Variants in EFHC2 observed in about 807,000 individuals in gnomAD.
EFHC2 encodes EF-hand domain-containing family member C2.
A neutral mutation model predicts 52.7 loss-of-function variants in EFHC2; 18 were observed. The ratio of observed to expected loss-of-function variants is 0.34; its 90% CI spans 0.24 to 0.51. EFHC2 has a LOEUF of 0.51. Among genes scored for constraint, EFHC2 ranks in the 20% least tolerant of loss-of-function variants. The pLI is 0.97. For missense variants in EFHC2, 513 were observed against 562.5 expected (o/e 0.91, Z 0.89); for synonymous variants, 203 against 204.1 (o/e 0.99, Z 0.04).
At chrX:44,276,809 G>T (rs1282652987) in intron 2 of EFHC2, among the ~76,000 whole-genome samples, 1 of 112,294 alleles carries the variant, frequency 8.9e-6, no homozygotes, top group Non-Finnish European at 1.9e-5. Context: ...CGTGGAGAAG[G>T]TTGTCCATTG....
chrX:44,262,512 CA>C (rs749239313), intron 3 of EFHC2, among the ~76,000 whole-genome samples: 130 of 29,198 alleles, frequency 4.5e-3, no homozygotes, highest in African/African-American at 0.012. Flanking sequence ...AGCCCTGTCT[CA>C]AAAAAAAAAA....
Position 44,260,630 on chromosome X carries a change from T to G in EFHC2, c.606+445A>C, listed in dbSNP as rs148569556. On this transcript the variant is annotated intron_variant, in intron 4 of 14. Transcript: ENST00000420999. ...TGCCATCCTAAGAGGACCTGGAATT[T>G]CCTAGGAGGAAGAAAAAATGTGTAC... 9.6e-3 allele frequency among the ~76,000 whole-genome samples: 1,070 copies of G among 111,949 alleles called. 3 individuals carry two copies. Among genetic ancestry groups the G allele is most frequent in the Non-Finnish European group, 0.015 (809 of 53,129 alleles).
chrX:44,177,561 C>T (rs776278788), intron 12 of EFHC2, among the ~76,000 whole-genome samples: 7 of 110,765 alleles, frequency 6.3e-5, no homozygotes, highest in Admixed American at 2.9e-4. Flanking sequence ...GCAAAAAAAA[C>T]ACATTAAGTT....
intron 8 of EFHC2, among the ~76,000 whole-genome samples, chrX:44,235,947 AC>A (rs2037316821): frequency 9.1e-6 from 1 of 109,596 alleles, no homozygotes; most frequent in Non-Finnish European, 1.9e-5. Flanking sequence ...CTCCCCAGCA[AC>A]CCCCCAACTT....
At chrX:44,331,775 T>C (rs998495191) in intron 1 of EFHC2, among the ~76,000 whole-genome samples, 1 of 110,515 alleles carries the variant, frequency 9.0e-6, no homozygotes, top group Non-Finnish European at 1.9e-5. Context: ...TTTTTAAAAA[T>C]TAGCCAGGTG....
In EFHC2 at chrX:44,208,478, G is replaced by A. The variant is rs149744245; in HGVS notation, c.1751+21171C>T. On this transcript the variant is annotated intron_variant, in intron 11 of 14. Coordinates refer to ENST00000420999, the MANE Select transcript of EFHC2 (RefSeq NM_025184.4). Reference sequence around the variant, plus strand: ...TAAAGATGGAAATTATAGACACTGAGGACTCCAAAAAGGGGGAGAAAGGGA... The same window carrying A: ...TAAAGATGGAAATTATAGACACTGAAGACTCCAAAAAGGGGGAGAAAGGGA... 5.5e-3 allele frequency among the ~76,000 whole-genome samples: 617 copies of A among 111,284 alleles called. 4 individuals are homozygous for A. Among genetic ancestry groups the A allele is most frequent in the African/African-American group, 0.018 (562 of 30,565 alleles).
At chrX:44,193,189 A>G (rs1456484012) in intron 11 of EFHC2, among the ~76,000 whole-genome samples, 1 of 110,328 alleles carries the variant, frequency 9.1e-6, no homozygotes, top group Non-Finnish European at 1.9e-5. Context: ...AACTCTTTCA[A>G]CCCATTGCTA....
At chrX:44,275,402 T>C (rs937485375) in intron 2 of EFHC2, among the ~76,000 whole-genome samples, 1 of 109,629 alleles carries the variant, frequency 9.1e-6, no homozygotes, top group Admixed American at 9.8e-5. Context: ...AAGAGGAAAT[T>C]ATAAAATGTG....
At chrX:44,207,233 T>C (rs770129103) in intron 11 of EFHC2, among the ~76,000 whole-genome samples, 1 of 112,120 alleles carries the variant, frequency 8.9e-6, no homozygotes, top group East Asian at 2.8e-4. Flanking sequence ...TAAATGTGGC[T>C]GGGCTCAGTG....
intron 9 of EFHC2, among the ~76,000 whole-genome samples, chrX:44,234,553 G>A (rs2037302895): frequency 8.9e-6 from 1 of 112,081 alleles, no homozygotes; most frequent in Admixed American, 9.4e-5. Context: ...AATTGGCCAT[G>A]GTTGGGGTAT....
chrX:44,158,036 C>T (rs187721081), intron 14 of EFHC2, among the ~76,000 whole-genome samples: 1 of 111,029 alleles, frequency 9.0e-6, no homozygotes, highest in Non-Finnish European at 1.9e-5. Context: ...GTGGACCAGA[C>T]CACACCCCTA....
chrX:44,198,627 C>T (rs1302482112), intron 11 of EFHC2, among the ~76,000 whole-genome samples: 5 of 111,007 alleles, frequency 4.5e-5, no homozygotes, highest in African/African-American at 1.6e-4. Context: ...GGTACCAACG[C>T]GAAGAGGTAG....
intron 11 of EFHC2, among the ~76,000 whole-genome samples, chrX:44,224,067 C>T (rs2037213666): frequency 8.9e-6 from 1 of 111,958 alleles, no homozygotes; most frequent in Admixed American, 9.4e-5. Context: ...TTAATGTTTC[C>T]CAGCCTTGGT....
At chrX:44,214,654 T>C (rs1371095992) in intron 11 of EFHC2, among the ~76,000 whole-genome samples, 1 of 112,159 alleles carries the variant, frequency 8.9e-6, no homozygotes, top group Non-Finnish European at 1.9e-5. Context: ...GGTAAAAATC[T>C]TAGATCTACA....
intron 1 of EFHC2, among the ~76,000 whole-genome samples, chrX:44,339,659 A>G (rs2038140658): frequency 9.0e-6 from 1 of 110,588 alleles, no homozygotes; most frequent in African/African-American, 3.3e-5. Context: ...AAGCAATAAA[A>G]GTTAGCTGTG....
chrX:44,268,259 A>C (rs970392372), intron 3 of EFHC2, among the ~76,000 whole-genome samples: 1 of 111,365 alleles, frequency 9.0e-6, no homozygotes, highest in Admixed American at 9.7e-5. Context: ...ATTTTCAAGT[A>C]CATCATTATG....
chrX:44,203,269 C>T (rs958838293), intron 11 of EFHC2, among the ~76,000 whole-genome samples: 2 of 110,251 alleles, frequency 1.8e-5, no homozygotes, highest in Non-Finnish European at 3.8e-5. Flanking sequence ...GAAAGCAAGC[C>T]CGTGTCTGCT....
intron 7 of EFHC2, among the ~76,000 whole-genome samples, chrX:44,246,942 G>A (rs898868758): frequency 1.8e-5 from 2 of 111,446 alleles, no homozygotes; most frequent in African/African-American, 3.3e-5. Context: ...CACTAAAGAC[G>A]GATTCCAAAC....
intron 14 of EFHC2, 43 bp downstream of exon 14, chrX:44,163,879 G>T: frequency 1.2e-6 from 1 of 864,444 alleles, no homozygotes; most frequent in Non-Finnish European, 1.7e-6. Flanking sequence ...AACATGCAAG[G>T]GAAGTAACCA....
Sources: gnomAD v4.1 joint callset for allele counts (sites outside exome capture counted in the v4.1 genomes callset) on GRCh38, gnomAD v4.1.1 for gene constraint, MANE v1.5 for transcripts, NCBI Gene and HGNC (gene_info 2026-07-23, HGNC 2026-07-21) for gene names.